The following ADD2 variants were observed in gnomAD, a reference collection of about 807,000 sequenced individuals.
ADD2 encodes adducin 2, also known as beta-adducin.
A neutral mutation model predicts 83.0 loss-of-function variants in ADD2; 23 were observed. The observed-to-expected ratio is 0.28, with a 90% CI of 0.20 to 0.39. The LOEUF (loss-of-function observed/expected upper bound fraction) is 0.39, where lower values mean the gene tolerates loss of function less well. ADD2 is among the 10% of genes least tolerant of loss of function. The pLI, the probability that ADD2 is intolerant of heterozygous loss-of-function variation, is 1.00. For synonymous variants in ADD2, 375 were observed against 375.4 expected, an observed-to-expected ratio of 1.00 and a Z score of 0.01; for missense variants, 758 against 944.9, an observed-to-expected ratio of 0.80 and a Z score of 2.59.
At chr2:70,697,099 C>G (rs1161988754) in intron 4 of ADD2, among the ~76,000 whole-genome samples, 1 of 152,226 alleles carries the variant, frequency 6.6e-6, no homozygotes, top group African/African-American at 2.4e-5. Flanking sequence ...GTGGAGGTTG[C>G]AGTGCACCAC....
At chr2:70,743,487 G>A (rs78879069) in intron 1 of ADD2, among the ~76,000 whole-genome samples, 6,540 of 152,272 alleles carry the variant, frequency 0.043, 221 homozygotes, top group Non-Finnish European at 0.066. Flanking sequence ...GTTACCACCA[G>A]TCAGGTAATT....
At chr2:70,762,668 A>G (rs1675179149) in intron 1 of ADD2, among the ~76,000 whole-genome samples, 1 of 150,234 alleles carries the variant, frequency 6.7e-6, no homozygotes, top group Non-Finnish European at 1.5e-5. Flanking sequence ...GGCATGCTAA[A>G]GGACATAGCA....
intron 7 of ADD2, 109 bp from the exon 8 acceptor site, chr2:70,691,038 G>A: frequency 7.4e-7 from 1 of 1,349,182 alleles, no homozygotes; most frequent in Non-Finnish European, 9.8e-7. Flanking sequence ...GGGGTGAGGA[G>A]TGAGGGGTGA....
At position 70,688,010 on chromosome 2, in the gene ADD2, G is replaced by C. The variant is rs1553370827; in HGVS notation, c.948+14C>G. On this transcript the variant is annotated intron_variant, in intron 9 of 15. Coordinates refer to ENST00000264436, the MANE Select transcript of ADD2 (RefSeq NM_001617.4). ...GCCCACTCCTGGGCCCACTTTCCAG[G>C]AGAATTTGCTCACCTGTATCTCACA... 1.2e-6 allele frequency: 2 copies of C among 1,611,376 alleles called. No homozygotes were observed. The highest frequency in any genetic ancestry group is 3.3e-5 in the Admixed American group (2 of 60,000).
chr2:70,693,970 T>A (rs538623999), intron 6 of ADD2, among the ~76,000 whole-genome samples: 1 of 152,146 alleles, frequency 6.6e-6, no homozygotes, highest in Admixed American at 6.5e-5. Flanking sequence ...ATTGCCTTTG[T>A]GCAAATTCAA....
At chr2:70,742,197 C>A (rs529683272) in intron 1 of ADD2, among the ~76,000 whole-genome samples, 7 of 152,300 alleles carry the variant, frequency 4.6e-5, no homozygotes, top group South Asian at 2.1e-4. Flanking sequence ...CCTGCCTATG[C>A]AGATTTAAGA....
At chr2:70,666,022 G>C (rs112473237) in intron 15 of ADD2, among the ~76,000 whole-genome samples, 2,964 of 152,178 alleles carry the variant, frequency 0.019, 64 homozygotes, top group Admixed American at 0.057. Context: ...CACCATGTTG[G>C]CCAGGATGGT....
intron 1 of ADD2, among the ~76,000 whole-genome samples, chr2:70,733,327 C>A (rs1417172572): frequency 6.6e-6 from 1 of 152,216 alleles, no homozygotes; most frequent in Non-Finnish European, 1.5e-5. Context: ...GCGGTGCATG[C>A]ATAAAACACC....
At chr2:70,757,292 G>A (rs902160163) in intron 1 of ADD2, among the ~76,000 whole-genome samples, 25 of 146,068 alleles carry the variant, frequency 1.7e-4, no homozygotes, top group African/African-American at 6.1e-4. Flanking sequence ...GATTTGTGGG[G>A]GGGGGGGATT....
At chr2:70,688,192 C>T in intron 8 of ADD2, 70 bp from the exon 9 acceptor site, 1 of 1,287,264 alleles carries the variant, frequency 7.8e-7, no homozygotes, top group Middle Eastern at 1.9e-4. Context: ...AGAGGTTTTC[C>T]ATTTTATTTA....
intron 1 of ADD2, among the ~76,000 whole-genome samples, chr2:70,724,228 T>G (rs1672869889): frequency 6.6e-6 from 1 of 152,228 alleles, no homozygotes; most frequent in Non-Finnish European, 1.5e-5. Context: ...TGTTCTGCCA[T>G]GAGCCTGTCA....
intron 14 of ADD2, 78 bp from the exon 15 acceptor site, chr2:70,673,084 T>C: frequency 5.8e-6 from 9 of 1,562,608 alleles, no homozygotes; most frequent in South Asian, 4.7e-5. Context: ...CTTTTAAAAA[T>C]TACTTTTTTC....
At chr2:70,716,348 G>T (rs1672466528) in intron 1 of ADD2, among the ~76,000 whole-genome samples, 1 of 152,028 alleles carries the variant, frequency 6.6e-6, no homozygotes, top group African/African-American at 2.4e-5. Context: ...CTATTCCCAG[G>T]ACCCAAGAGG....
At chr2:70,766,939 C>A (rs1437216467) in intron 1 of ADD2, among the ~76,000 whole-genome samples, 3 of 152,132 alleles carry the variant, frequency 2.0e-5, no homozygotes, top group African/African-American at 7.2e-5. Flanking sequence ...TGGGCTGGAG[C>A]TTGCTTTTTT....
chr2:70,678,402 C>T (rs879956383), intron 11 of ADD2, among the ~76,000 whole-genome samples: 19 of 152,142 alleles, frequency 1.2e-4, no homozygotes, highest in Non-Finnish European at 2.8e-4. Flanking sequence ...TTCCCAAGAG[C>T]CCCCTGTGGA....
At chr2:70,751,593 TCTTTA>T (rs1183685260) in intron 1 of ADD2, among the ~76,000 whole-genome samples, 12 of 152,200 alleles carry the variant, frequency 7.9e-5, no homozygotes, top group Non-Finnish European at 1.8e-4. Context: ...ACAAAAGATG[TCTTTA>T]CTTTATTAAA....
At chr2:70,717,410 T>G (rs1421436673) in intron 1 of ADD2, among the ~76,000 whole-genome samples, 1 of 152,154 alleles carries the variant, frequency 6.6e-6, no homozygotes, top group Non-Finnish European at 1.5e-5. Context: ...AAGCTTCATG[T>G]GCCCTAAGCA....
intron 15 of ADD2, among the ~76,000 whole-genome samples, chr2:70,665,043 T>C (rs1036068906): frequency 2.6e-5 from 4 of 152,058 alleles, no homozygotes; most frequent in African/African-American, 9.7e-5. Context: ...ATGAATGCAG[T>C]GTGTGTGTTG....
intron 1 of ADD2, among the ~76,000 whole-genome samples, chr2:70,734,135 T>TA (rs1388979620): frequency 1.3e-5 from 2 of 152,152 alleles, no homozygotes; most frequent in African/African-American, 4.8e-5. Flanking sequence ...GGGGCTCTAT[T>TA]AATGGCTCAA....
Sources: allele counts gnomAD v4.1 joint callset (sites outside exome capture counted in the v4.1 genomes callset), GRCh38; gene constraint gnomAD v4.1.1; transcripts MANE v1.5; gene names NCBI Gene and HGNC (gene_info 2026-07-23, HGNC 2026-07-21).